Variants in RUFY1 observed in about 807,000 individuals in gnomAD.
RUFY1 encodes the protein RUN and FYVE domain-containing protein 1.
A neutral mutation model predicts 94.6 loss-of-function variants in RUFY1; 54 were observed. The observed-to-expected ratio is 0.57, with a 90% confidence interval of 0.46 to 0.72. The LOEUF (loss-of-function observed/expected upper bound fraction) is 0.72, where lower values mean the gene tolerates loss of function less well. Among genes scored for constraint, RUFY1 ranks in the 30% least tolerant of loss-of-function variants. The pLI, the probability that RUFY1 is intolerant of heterozygous loss-of-function variation, is 0.00. For missense variants in RUFY1, 883 were observed against 883.9 expected, an observed-to-expected ratio of 1.00 and a Z score of 0.01; for synonymous variants, 396 against 347.3, an observed-to-expected ratio of 1.14 and a Z score of -1.56.
At chr5:179,554,796 C>G (rs778429688) in intron 1 of RUFY1, among the ~76,000 whole-genome samples, 1 of 151,648 alleles carries the variant, frequency 6.6e-6, no homozygotes, top group Non-Finnish European at 1.5e-5. Flanking sequence ...GGTGAAACCC[C>G]GTCTCCACTA....
chr5:179,592,261 A>G (rs1349432983), intron 10 of RUFY1, among the ~76,000 whole-genome samples: 1 of 152,172 alleles, frequency 6.6e-6, no homozygotes, highest in Non-Finnish European at 1.5e-5. Context: ...CTGGGACTAC[A>G]GGCATACGCC....
chr5:179,582,135 A>G (rs150669105), intron 7 of RUFY1, among the ~76,000 whole-genome samples: 3 of 152,072 alleles, frequency 2.0e-5, no homozygotes, highest in African/African-American at 7.2e-5. Flanking sequence ...TTCATCCCAT[A>G]ATCTACTGAT....
At position 179,550,775 on chromosome 5, in the gene RUFY1, T is replaced by G; in HGVS notation, c.206T>G (p.Leu69Arg). ...AEGWSAPILT[L>R]ARRATGNLSA... ...GGCTGGTCGGCGCCCATCCTGACCC[T>G]GGCACGCAGGGCCACCGGGAACCTG... The change falls in exon 1 of 18, where the codon CTG (leucine) becomes CGG (arginine). Residue 69 changes from leucine to arginine, a missense_variant. Transcript: ENST00000319449. 1 of 1,390,580 alleles carries G rather than the reference T, an allele frequency of 7.2e-7. No individual in the cohort carries two copies. The highest frequency in any genetic ancestry group is 9.4e-7 in the Non-Finnish European group (1 of 1,067,470). 86.1% of individuals were successfully genotyped at this position (1,390,580 alleles called of 1,614,324 possible).
intron 1 of RUFY1, among the ~76,000 whole-genome samples, chr5:179,552,501 G>T (rs936088015): frequency 6.6e-5 from 10 of 152,170 alleles, no homozygotes; most frequent in Non-Finnish European, 1.2e-4. Flanking sequence ...TCCTGGCAGT[G>T]GAAAATAGCA....
At position 179,552,164 on chromosome 5, in the gene RUFY1, C is replaced by CAAAAAAAA. The variant is rs563730431; in HGVS notation, c.310+1301_310+1308dup. ...TGGGTGACAGAGCGAGACTCTGTCT[C>CAAAAAAAA]AAAAAAAAAAAAAAAAAAAAAAACT... On this transcript the variant is annotated intron_variant, in intron 1 of 17. Coordinates refer to ENST00000319449, the MANE Select transcript of RUFY1 (RefSeq NM_025158.5). Among the ~76,000 whole-genome samples, 342 of 73,386 alleles carry CAAAAAAAA rather than the reference C, an allele frequency of 4.7e-3. 20 individuals carry two copies. Among genetic ancestry groups the CAAAAAAAA allele is most frequent in the East Asian group, 0.012 (23 of 1,980 alleles). 48.1% of individuals were successfully genotyped at this position (73,386 alleles called of 152,430 possible). A position where few individuals can be genotyped will look rare whatever the true frequency, so the allele number is the denominator to read the frequency against.
At chr5:179,588,758 T>A (rs944050919) in intron 8 of RUFY1, among the ~76,000 whole-genome samples, 6 of 152,248 alleles carry the variant, frequency 3.9e-5, no homozygotes, top group Admixed American at 3.9e-4. Context: ...TGAGACAGGC[T>A]GTGGCTTTGT....
intron 1 of RUFY1, among the ~76,000 whole-genome samples, chr5:179,559,102 A>ACGCG (rs200168383): frequency 7.2e-5 from 11 of 152,066 alleles, no homozygotes; most frequent in Non-Finnish European, 1.3e-4. Context: ...GACAATGTAA[A>ACGCG]CGCGCGCGCG....
intron 3 of RUFY1, among the ~76,000 whole-genome samples, chr5:179,564,755 A>G (rs893014115): frequency 6.8e-6 from 1 of 148,130 alleles, no homozygotes; most frequent in African/African-American, 2.5e-5. Context: ...CATGTAACAC[A>G]TGAAAATGAC....
chr5:179,557,731 G>T (rs74649170), intron 1 of RUFY1, among the ~76,000 whole-genome samples: 5,032 of 152,122 alleles, frequency 0.033, 268 homozygotes, highest in African/African-American at 0.11. Context: ...ACATAGATTT[G>T]TAGGGAGAAA....
Position 179,580,206 on chromosome 5 carries a change from CGTGTGTGTGT to C in RUFY1, c.891-714_891-705del, listed in dbSNP as rs71591429. On this transcript the variant is annotated intron_variant, in intron 6 of 17. Coordinates refer to ENST00000319449, the MANE Select transcript of RUFY1 (RefSeq NM_025158.5). ...TTTTTGTAAACAAATCAAAAAATTCCGTGTGTGTGTGTGTGTGTGTGTGTGTGTGTGTGTG... is the reference window on the plus strand; with the variant it reads ...TTTTTGTAAACAAATCAAAAAATTCCGTGTGTGTGTGTGTGTGTGTGTGTG... Among the ~76,000 whole-genome samples, 94 of 127,592 alleles carry C rather than the reference CGTGTGTGTGT, an allele frequency of 7.4e-4. 1 individual carries two copies. Among genetic ancestry groups the C allele is most frequent in the African/African-American group, 1.3e-3 (44 of 34,710 alleles). The allele number at this position is 127,592 out of a possible 152,430, so 83.7% of individuals were successfully genotyped here.
intron 5 of RUFY1, chr5:179,572,478 A>G (rs923919724): frequency 1.0e-4 from 19 of 189,606 alleles, no homozygotes; most frequent in South Asian, 5.0e-4. Context: ...TGTGACGGGA[A>G]GCTTGTCTGA....
chr5:179,560,692 C>G (rs1230194111), intron 2 of RUFY1, among the ~76,000 whole-genome samples: 6 of 137,902 alleles, frequency 4.4e-5, no homozygotes, highest in Non-Finnish European at 9.1e-5. Context: ...CGCCACTGCA[C>G]TCCAGCTTGG....
chr5:179,583,679 G>A (rs145660819), intron 7 of RUFY1, among the ~76,000 whole-genome samples: 3,528 of 151,002 alleles, frequency 0.023, 154 homozygotes, highest in African/African-American at 0.081. Context: ...GCCTCCCAAA[G>A]TGCTGGGATT....
At chr5:179,563,700 G>A (rs1274360735) in intron 3 of RUFY1, among the ~76,000 whole-genome samples, 1 of 151,750 alleles carries the variant, frequency 6.6e-6, no homozygotes, top group African/African-American at 2.4e-5. Context: ...TTGAGAAGGA[G>A]TCTCACTCTT....
chr5:179,550,683 C>G lies in RUFY1; in HGVS notation c.114C>G (p.Ile38Met). ...SALEPGEEFEIVDRSQLPGPG... is the reference protein window; with the variant it reads ...SALEPGEEFEMVDRSQLPGPG... Reference sequence around the variant, plus strand: ...TTGAGCCGGGAGAAGAGTTTGAGATCGTGGACCGAAGCCAGCTGCCCGGCC... The same window carrying G: ...TTGAGCCGGGAGAAGAGTTTGAGATGGTGGACCGAAGCCAGCTGCCCGGCC... Residue 38 changes from isoleucine (I) to methionine (M), a missense_variant, in exon 1 of 18, where the codon ATC (isoleucine) becomes ATG (methionine). By Grantham distance (10) the Ile-to-Met change is conservative. Transcript: ENST00000319449. The G allele has an allele frequency of 6.7e-7, 1 of 1,499,106 alleles. No individual in the cohort carries two copies. Among genetic ancestry groups the G allele is most frequent in the South Asian group, 1.2e-5 (1 of 80,756 alleles). 92.9% of individuals were successfully genotyped at this position (1,499,106 alleles called of 1,614,324 possible). A position where few individuals can be genotyped will look rare whatever the true frequency, so the allele number is the denominator to read the frequency against.
intron 2 of RUFY1, 27 bp from the exon 3 acceptor site, chr5:179,562,520 G>A (rs1316146931): frequency 7.0e-7 from 1 of 1,432,708 alleles, no homozygotes; most frequent in Non-Finnish European, 9.8e-7. Flanking sequence ...CTGTTCTTAT[G>A]AATAACACTT....
intron 3 of RUFY1, 144 bp downstream of exon 3, chr5:179,562,808 ACTCT>A: frequency 3.3e-6 from 2 of 609,172 alleles, no homozygotes; most frequent in Non-Finnish European, 5.9e-6. Flanking sequence ...GCAAGACTTG[ACTCT>A]CTCTGAGCCT....
Position 179,550,688 on chromosome 5 carries a change from A to T in RUFY1, c.119A>T (p.Asp40Val). Residue 40 changes from aspartate to valine, a missense_variant, in exon 1 of 18, where the codon GAC (aspartate) becomes GTC (valine). Transcript: ENST00000319449. ...CCGGGAGAAGAGTTTGAGATCGTGGACCGAAGCCAGCTGCCCGGCCCAGGC... is the reference window on the plus strand; with the variant it reads ...CCGGGAGAAGAGTTTGAGATCGTGGTCCGAAGCCAGCTGCCCGGCCCAGGC... ...LEPGEEFEIV[D>V]RSQLPGPGDL... 6.7e-7 allele frequency: 1 copy of T among 1,498,396 alleles called. No homozygotes were observed. The highest frequency in any genetic ancestry group is 8.9e-7 in the Non-Finnish European group (1 of 1,129,934). 92.8% of individuals were successfully genotyped at this position (1,498,396 alleles called of 1,614,324 possible).
In RUFY1 at chr5:179,589,611, T is replaced by A. The variant is rs1581510785; in HGVS notation, c.1092T>A (p.Asn364Lys). 1.9e-6 allele frequency: 3 copies of A among 1,614,104 alleles called. No homozygotes were observed. ...AACAGCAGCAGTTAAGAGAACAAAA[T>A]GAATTAATTCGAGAAAGAAGTGAAA... ...QEEQQQLREQ[N>K]ELIRERSEKS... Residue 364 changes from asparagine (N) to lysine (K), a missense_variant, in exon 9 of 18, where the codon AAT (asparagine) becomes AAA (lysine). Physicochemically the swap from Asn to Lys is moderately conservative, Grantham distance 94. Transcript: ENST00000319449.
Sources: gnomAD v4.1 joint callset for allele counts (sites outside exome capture counted in the v4.1 genomes callset) on GRCh38, gnomAD v4.1.1 for gene constraint, MANE v1.5 for transcripts, NCBI Gene and HGNC (gene_info 2026-07-23, HGNC 2026-07-21) for gene names.